FGD1: variants seen among roughly 807,000 people sequenced by gnomAD.
The protein encoded by FGD1 is FYVE, RhoGEF and PH domain containing 1, also known as FYVE, RhoGEF and PH domain-containing protein 1.
In FGD1, 12 loss-of-function variants were observed where a neutral mutation model predicts 65.0. That is an observed-to-expected ratio of 0.18 (90% CI 0.12 to 0.30). The LOEUF (loss-of-function observed/expected upper bound fraction) is 0.30. FGD1 is among the 10% of genes least tolerant of loss of function. The pLI is 1.00. For synonymous variants in FGD1, 333 were observed against 343.9 expected (o/e 0.97, Z 0.35); for missense variants, 542 against 837.6 (o/e 0.65, Z 4.36).
intron 1 of FGD1, among the ~76,000 whole-genome samples, chrX:54,474,169 G>A (rs1237434511): frequency 9.0e-6 from 1 of 111,174 alleles, no homozygotes; most frequent in Non-Finnish European, 1.9e-5. Flanking sequence ...ACACATCCAC[G>A]GTGTCCCTGG....
chrX:54,462,386 A>G (rs1314890969), intron 8 of FGD1, among the ~76,000 whole-genome samples: 1 of 98,792 alleles, frequency 1.0e-5, no homozygotes, highest in Non-Finnish European at 2.0e-5. Flanking sequence ...TCCACTTCCC[A>G]TTCTTTTTTT....
intron 8 of FGD1, among the ~76,000 whole-genome samples, chrX:54,464,059 T>C (rs993480799): frequency 9.1e-6 from 1 of 109,390 alleles, no homozygotes; most frequent in Non-Finnish European, 1.9e-5. Context: ...CCTCCCGAGT[T>C]CGAGTGATTC....
At chrX:54,476,515 C>A (rs762409071) in intron 1 of FGD1, among the ~76,000 whole-genome samples, 1 of 110,239 alleles carries the variant, frequency 9.1e-6, no homozygotes, top group South Asian at 4.0e-4. Flanking sequence ...CCATGGCTGG[C>A]TATTTTTAAT....
At position 54,446,009 on chromosome X, in the gene FGD1, T is replaced by A. The variant is rs1601946343; in HGVS notation, c.*100A>T. Reference sequence around the variant, plus strand: ...GGATTGAAAGTGCCCGTGATGGGAGTTCAAGTATTGACTGAGCTGGGAGGG... The same window carrying A: ...GGATTGAAAGTGCCCGTGATGGGAGATCAAGTATTGACTGAGCTGGGAGGG... On this transcript the variant is annotated 3_prime_UTR_variant, in exon 18 of 18. Coordinates refer to ENST00000375135, the MANE Select transcript of FGD1 (RefSeq NM_004463.3). The A allele has an allele frequency of 3.2e-6, 2 of 616,973 alleles. No individual in the cohort carries two copies. The highest frequency in any genetic ancestry group is 3.5e-5 in the East Asian group (1 of 28,512). 50.8% of individuals were successfully genotyped at this position (616,973 alleles called of 1,213,427 possible). A position where few individuals can be genotyped will look rare whatever the true frequency, so the allele number is the denominator to read the frequency against.
At chrX:54,464,077 C>T (rs1419790952) in intron 8 of FGD1, among the ~76,000 whole-genome samples, 1 of 108,264 alleles carries the variant, frequency 9.2e-6, no homozygotes, top group African/African-American at 3.4e-5. Context: ...TTCTCCTGCC[C>T]TGGCATCCCG....
chrX:54,489,235 A>T (rs1923359643), intron 1 of FGD1, among the ~76,000 whole-genome samples: 1 of 112,826 alleles, frequency 8.9e-6, no homozygotes, highest in Non-Finnish European at 1.9e-5. Context: ...AAGGACTTGA[A>T]CAGACACTTT....
intron 2 of FGD1, 81 bp downstream of exon 2, chrX:54,471,233 C>G: frequency 9.3e-7 from 1 of 1,080,019 alleles, no homozygotes; most frequent in Non-Finnish European, 1.3e-6. Context: ...AACAAACCCT[C>G]TTCTCTGCCA....
At chrX:54,479,226 C>A (rs776875469) in intron 1 of FGD1, among the ~76,000 whole-genome samples, 1 of 112,185 alleles carries the variant, frequency 8.9e-6, no homozygotes, top group Admixed American at 9.4e-5. Context: ...GCTCCTTTTG[C>A]CCATTCCCAC....
At chrX:54,465,898 C>T in intron 6 of FGD1, 46 bp from the exon 7 acceptor site, 2 of 1,193,787 alleles carry the variant, frequency 1.7e-6, no homozygotes, top group South Asian at 1.8e-5. Flanking sequence ...CTCTTTGCCC[C>T]TCAGAAACTT....
At position 54,470,709 on chromosome X, in the gene FGD1, T is replaced by A; in HGVS notation, c.533A>T (p.Glu178Val). 3 of 216,774 alleles carry A rather than the reference T, an allele frequency of 1.4e-5. No homozygotes were observed. The highest frequency in any genetic ancestry group is 2.4e-5 in the Non-Finnish European group (3 of 126,481). 17.9% of individuals were successfully genotyped at this position (216,774 alleles called of 1,213,427 possible). ...GCGTGATGGTGGAGGGGGGATGGGC[T>A]CCAGTGGGGGGGGCATCCGGGGCAT... ...LQMPRMPPPL[E>V]PIPPPPSRPL... The change falls in exon 3 of 18, where the codon GAG (glutamate) becomes GTG (valine). Residue 178 changes from glutamate (E) to valine (V), a missense_variant. By Grantham distance (121) the Glu-to-Val change is moderately radical (BLOSUM62 -2). Transcript: ENST00000375135.
intron 12 of FGD1, among the ~76,000 whole-genome samples, chrX:54,454,657 A>G (rs1034458246): frequency 1.9e-4 from 21 of 108,940 alleles, no homozygotes; most frequent in African/African-American, 7.0e-4. Flanking sequence ...AAAAAAAAAA[A>G]AAAAAAAGAA....
chrX:54,447,211 C>T, intron 17 of FGD1, 100 bp downstream of exon 17: 1 of 958,276 alleles, frequency 1.0e-6, no homozygotes, highest in South Asian at 2.0e-5. Flanking sequence ...CTCACCTTAT[C>T]TTCCAAGGCT....
At chrX:54,474,536 G>C in intron 1 of FGD1, among the ~76,000 whole-genome samples, 1 of 112,753 alleles carries the variant, frequency 8.9e-6, no homozygotes, top group South Asian at 3.6e-4. Flanking sequence ...ACCTTGCTTT[G>C]GGTGTCGTTC....
chrX:54,477,401 G>C (rs1416158501), intron 1 of FGD1, among the ~76,000 whole-genome samples: 1 of 110,880 alleles, frequency 9.0e-6, no homozygotes, highest in African/African-American at 3.3e-5. Flanking sequence ...GAATGGATAG[G>C]GTGGCCAGAT....
At position 54,491,021 on chromosome X, in the gene FGD1, C is replaced by T. The variant is rs150962579; in HGVS notation, c.307+4105G>A. On this transcript the variant is annotated intron_variant, in intron 1 of 17. Coordinates refer to ENST00000375135, the MANE Select transcript of FGD1 (RefSeq NM_004463.3). ...GCAGCTAGGGAGAGTTTCCAAACAC[C>T]CCGTCTGAGCATGTCATTCTCGTTA... Among the ~76,000 whole-genome samples the T allele has an allele frequency of 4.0e-3, 446 of 111,014 alleles. 3 individuals carry two copies. The highest frequency in any genetic ancestry group is 0.014 in the African/African-American group (426 of 30,546).
chrX:54,475,050 C>T (rs1922987765), intron 1 of FGD1, among the ~76,000 whole-genome samples: 1 of 111,958 alleles, frequency 8.9e-6, no homozygotes, highest in Non-Finnish European at 1.9e-5. Context: ...ACCATACATC[C>T]CACTTTCCAT....
chrX:54,467,744 T>C, intron 6 of FGD1, 40 bp downstream of exon 6: 1 of 1,159,684 alleles, frequency 8.6e-7, no homozygotes, highest in Non-Finnish European at 1.2e-6. Context: ...GGCAGGCAGG[T>C]GGACAGGGGA....
chrX:54,456,160 C>A, intron 10 of FGD1, 60 bp downstream of exon 10: 5 of 1,148,712 alleles, frequency 4.4e-6, no homozygotes, highest in Non-Finnish European at 4.8e-6. Context: ...TACCAGGTCA[C>A]TATGTGTGTG....
intron 1 of FGD1, among the ~76,000 whole-genome samples, chrX:54,488,448 G>A (rs1923340669): frequency 1.8e-5 from 2 of 108,436 alleles, no homozygotes; most frequent in South Asian, 8.0e-4. Context: ...AGCCAGGCGT[G>A]ATGGCGGGTG....
Sources: gnomAD v4.1 joint callset for allele counts (sites outside exome capture counted in the v4.1 genomes callset) on GRCh38, gnomAD v4.1.1 for gene constraint, MANE v1.5 for transcripts, NCBI Gene and HGNC (gene_info 2026-07-23, HGNC 2026-07-21) for gene names.